IMMP2L: variants seen among roughly 807,000 people sequenced by gnomAD.
IMMP2L encodes inner mitochondrial membrane peptidase subunit 2.
In IMMP2L, 18 loss-of-function variants were observed where a neutral mutation model predicts 19.3. The observed-to-expected ratio is 0.93, with a 90% CI of 0.64 to 1.38. The LOEUF (loss-of-function observed/expected upper bound fraction) is 1.38. IMMP2L is among the 40% of genes most tolerant of loss of function. The probability of loss-of-function intolerance (pLI) is 0.00; values close to 1 mark genes in which losing one functional copy is unlikely to be tolerated. For synonymous variants in IMMP2L, 76 were observed against 73.0 expected (o/e 1.04, Z -0.21); for missense variants, 233 against 218.2 (o/e 1.07, Z -0.43).
Position 111,162,750 on chromosome 7 carries a change from C to T in IMMP2L, c.240-199185G>A, listed in dbSNP as rs530824248. Among the ~76,000 whole-genome samples the T allele has an allele frequency of 7.3e-5, 11 of 151,438 alleles. No homozygotes were observed. In the South Asian group the frequency reaches 2.3e-3, roughly 32 times the overall value. Reference sequence around the variant, plus strand: ...CTCCTGACCAAACTCTTGTCAGAATCCTCTGATCTCCGCTTGACTAAGCCT... The same window carrying T: ...CTCCTGACCAAACTCTTGTCAGAATTCTCTGATCTCCGCTTGACTAAGCCT... On this transcript the variant is annotated intron_variant, in intron 3 of 5. Transcript: ENST00000405709.
chr7:111,000,982 GCAGCA>G (rs765824082), intron 3 of IMMP2L, among the ~76,000 whole-genome samples: 3 of 152,140 alleles, frequency 2.0e-5, no homozygotes, highest in Non-Finnish European at 2.9e-5. Flanking sequence ...GCCAAAGTTA[GCAGCA>G]AGAGCACTGA....
chr7:110,736,312 C>T (rs1190013090), intron 5 of IMMP2L, among the ~76,000 whole-genome samples: 1 of 152,232 alleles, frequency 6.6e-6, no homozygotes, highest in Non-Finnish European at 1.5e-5. Flanking sequence ...CTCAGGGTCA[C>T]TGCAGAGTCC....
At chr7:111,523,406 G>A (rs1846540343) in intron 1 of IMMP2L, among the ~76,000 whole-genome samples, 1 of 151,940 alleles carries the variant, frequency 6.6e-6, no homozygotes, top group Non-Finnish European at 1.5e-5. Flanking sequence ...AATGTTATCT[G>A]TTCACTCATA....
chr7:111,288,392 C>G (rs539405539), intron 3 of IMMP2L, among the ~76,000 whole-genome samples: 8 of 152,198 alleles, frequency 5.3e-5, no homozygotes, highest in East Asian at 1.9e-4. Context: ...GACTTCATGA[C>G]TAAAACACCA....
At chr7:111,337,595 C>G (rs966101842) in intron 3 of IMMP2L, among the ~76,000 whole-genome samples, 7 of 151,884 alleles carry the variant, frequency 4.6e-5, no homozygotes, top group African/African-American at 1.7e-4. Context: ...TGAGCCAAGT[C>G]TGACCTCAAA....
intron 3 of IMMP2L, among the ~76,000 whole-genome samples, chr7:111,413,953 A>G (rs1035012601): frequency 6.6e-6 from 1 of 151,760 alleles, no homozygotes; most frequent in Non-Finnish European, 1.5e-5. Flanking sequence ...ACATCCCAGC[A>G]AGTTGCAGCA....
At chr7:111,239,738 A>G (rs1381635331) in intron 3 of IMMP2L, among the ~76,000 whole-genome samples, 1 of 151,936 alleles carries the variant, frequency 6.6e-6, no homozygotes, top group African/African-American at 2.4e-5. Flanking sequence ...AAAAGATGAG[A>G]GCAGCAATCA....
chr7:111,316,456 AATAC>A (rs1304604810), intron 3 of IMMP2L, among the ~76,000 whole-genome samples: 1 of 152,154 alleles, frequency 6.6e-6, no homozygotes, highest in Non-Finnish European at 1.5e-5. Flanking sequence ...TTTAGGGATG[AATAC>A]ATAGTTAGGG....
chr7:111,348,705 T>C (rs193037383), intron 3 of IMMP2L, among the ~76,000 whole-genome samples: 21 of 152,252 alleles, frequency 1.4e-4, no homozygotes, highest in Non-Finnish European at 2.8e-4. Context: ...ACTAGACTTG[T>C]GTGATAGTCT....
At chr7:111,347,579 A>C (rs1453257338) in intron 3 of IMMP2L, among the ~76,000 whole-genome samples, 1 of 151,954 alleles carries the variant, frequency 6.6e-6, no homozygotes, top group African/African-American at 2.4e-5. Context: ...TTCAAGCAGG[A>C]CTAAGAGGAA....
intron 3 of IMMP2L, among the ~76,000 whole-genome samples, chr7:111,081,602 T>C (rs1021252394): frequency 7.2e-5 from 11 of 152,230 alleles, no homozygotes; most frequent in African/African-American, 2.7e-4. Flanking sequence ...CTAACTGCTA[T>C]GACAGTCAGC....
At chr7:111,143,953 C>T (rs185058156) in intron 3 of IMMP2L, among the ~76,000 whole-genome samples, 36 of 148,748 alleles carry the variant, frequency 2.4e-4, no homozygotes, top group South Asian at 1.9e-3. Flanking sequence ...CATTCATTAC[C>T]CTACCCTGTT....
At position 110,762,664 on chromosome 7, in the gene IMMP2L, G is replaced by A. The variant is rs541446527; in HGVS notation, c.409-98943C>T. The stretch of plus-strand genomic sequence containing the variant: ...GGCAGAGGTCAGAGGCAGGCTGCTA[G>A]GAATGGACTAGTGAAATCCTATGGA... On this transcript the variant is annotated intron_variant, in intron 5 of 5. Transcript: ENST00000405709. 2.0e-5 allele frequency among the ~76,000 whole-genome samples: 3 copies of A among 152,228 alleles called. No homozygotes were observed. In the South Asian group the frequency reaches 6.2e-4, roughly 32 times the overall value.
chr7:110,987,386 T>TCAGAACCACTTA (rs1281528407), intron 3 of IMMP2L, among the ~76,000 whole-genome samples: 2 of 152,170 alleles, frequency 1.3e-5, no homozygotes, highest in Non-Finnish European at 2.9e-5. Context: ...TTTATTTGAA[T>TCAGAACCACTTA]CAGAACCACT....
At chr7:110,827,607 C>T (rs998449223) in intron 5 of IMMP2L, among the ~76,000 whole-genome samples, 1 of 152,068 alleles carries the variant, frequency 6.6e-6, no homozygotes, top group African/African-American at 2.4e-5. Context: ...GTACTTTGTA[C>T]AAAGAATTTT....
intron 3 of IMMP2L, among the ~76,000 whole-genome samples, chr7:111,162,547 G>A (rs1162379039): frequency 5.3e-5 from 8 of 151,884 alleles, no homozygotes; most frequent in Admixed American, 1.3e-4. Context: ...TCCTCCACAG[G>A]GATTCATCCA....
In IMMP2L at chr7:110,891,238, G is replaced by GAA. The variant is rs763078332; in HGVS notation, c.306-4545_306-4544dup. On this transcript the variant is annotated intron_variant, in intron 4 of 5. Coordinates refer to ENST00000405709, the MANE Select transcript of IMMP2L (RefSeq NM_032549.4). ...TTATCATTGTTAACAGATAGAACCA[G>GAA]AAAAAAAAAAAAAAAATCCACCATC... Among the ~76,000 whole-genome samples, 101 of 97,152 alleles carry GAA rather than the reference G, an allele frequency of 1.0e-3. 1 individual carries two copies. Among genetic ancestry groups the GAA allele is most frequent in the African/African-American group, 3.5e-3 (98 of 28,186 alleles). 63.7% of individuals were successfully genotyped at this position (97,152 alleles called of 152,430 possible).
chr7:111,511,484 A>G (rs1182869070), intron 2 of IMMP2L, among the ~76,000 whole-genome samples: 1 of 151,924 alleles, frequency 6.6e-6, no homozygotes, highest in African/African-American at 2.4e-5. Context: ...ATCTCTACCA[A>G]AAATACCAAA....
At chr7:110,731,110 T>C (rs1204024584) in intron 5 of IMMP2L, among the ~76,000 whole-genome samples, 1 of 152,234 alleles carries the variant, frequency 6.6e-6, no homozygotes, top group Non-Finnish European at 1.5e-5. Flanking sequence ...TTTTACTTTA[T>C]ATCTTCATTT....
Sources: allele counts gnomAD v4.1 joint callset (sites outside exome capture counted in the v4.1 genomes callset), GRCh38; gene constraint gnomAD v4.1.1; transcripts MANE v1.5; gene names NCBI Gene and HGNC (gene_info 2026-07-23, HGNC 2026-07-21).